The following MAMLD1 variants were observed in gnomAD, a reference collection of about 807,000 sequenced individuals.
MAMLD1 encodes the protein mastermind-like domain-containing protein 1.
Under a neutral mutation model 45.0 loss-of-function variants are expected in MAMLD1, and 14 were observed. That is an observed-to-expected ratio of 0.31 (90% CI 0.21 to 0.49). The LOEUF (loss-of-function observed/expected upper bound fraction) is 0.49, where lower values mean the gene tolerates loss of function less well. MAMLD1 is among the 20% of genes least tolerant of loss of function. MAMLD1 has a pLI of 0.99. For missense variants in MAMLD1, 543 were observed against 603.6 expected (o/e 0.90, Z 1.05); for synonymous variants, 254 against 247.8 (o/e 1.02, Z -0.24).
Position 150,470,737 on chromosome X carries a change from G to A in MAMLD1, c.1164G>A (p.Leu388=). ...TCCGAGGCTCTCCCAATGCCTTACT[G>A]TCAAGCATGACGTCCAGCAGCAATG... The part of the protein sequence containing the change: ...STLRGSPNAL[L]SSMTSSSNAA... The change falls in exon 4 of 8, where the codon CTG becomes CTA. Residue 388 remains leucine (L), a synonymous_variant. Coordinates refer to ENST00000370401, the MANE Select transcript of MAMLD1 (RefSeq NM_005491.5). 2 of 1,211,941 alleles carry A rather than the reference G, an allele frequency of 1.7e-6. No individual in the cohort carries two copies. Among genetic ancestry groups the A allele is most frequent in the Non-Finnish European group, 2.2e-6 (2 of 895,567 alleles).
chrX:150,497,721 A>G (rs1023026900), intron 5 of MAMLD1, among the ~76,000 whole-genome samples: 12 of 112,044 alleles, frequency 1.1e-4, no homozygotes, highest in Admixed American at 3.8e-4. Flanking sequence ...TGGGTCTCAC[A>G]GCAGCCAGCT....
At chrX:150,482,851 G>C (rs1392276454) in intron 5 of MAMLD1, among the ~76,000 whole-genome samples, 1 of 112,448 alleles carries the variant, frequency 8.9e-6, no homozygotes, top group Non-Finnish European at 1.9e-5. Context: ...ATAATACGTA[G>C]GTGGGGGAAA....
intron 1 of MAMLD1, among the ~76,000 whole-genome samples, chrX:150,437,267 T>C (rs1401970138): frequency 9.0e-6 from 1 of 111,727 alleles, no homozygotes; most frequent in Non-Finnish European, 1.9e-5. Flanking sequence ...TGCCGGTAGG[T>C]GCAGGGGTTG....
chrX:150,464,198 C>A (rs1385752398), intron 3 of MAMLD1, among the ~76,000 whole-genome samples: 1 of 111,787 alleles, frequency 8.9e-6, no homozygotes, highest in Non-Finnish European at 1.9e-5. Flanking sequence ...CATTCCAGGG[C>A]CCCTTCCTCC....
intron 2 of MAMLD1, among the ~76,000 whole-genome samples, chrX:150,448,702 T>C (rs1305339077): frequency 1.8e-5 from 2 of 112,265 alleles, no homozygotes; most frequent in African/African-American, 6.5e-5. Flanking sequence ...GAACATTTTG[T>C]CCTTCCCTTT....
chrX:150,423,412 A>T (rs993954389), intron 1 of MAMLD1, among the ~76,000 whole-genome samples: 3 of 88,460 alleles, frequency 3.4e-5, no homozygotes. Flanking sequence ...ACGGTTGAGC[A>T]GTCCATAAGG....
At chrX:150,465,422 T>C (rs2036186481) in intron 3 of MAMLD1, among the ~76,000 whole-genome samples, 1 of 112,237 alleles carries the variant, frequency 8.9e-6, no homozygotes, top group African/African-American at 3.2e-5. Flanking sequence ...CTTTGTTTTC[T>C]CATTATCTAG....
At chrX:150,372,776 C>T (rs1384686743) in intron 1 of MAMLD1, among the ~76,000 whole-genome samples, 1 of 112,292 alleles carries the variant, frequency 8.9e-6, no homozygotes, top group Non-Finnish European at 1.9e-5. Context: ...AGTGATCCCC[C>T]AGCCATGGGG....
chrX:150,469,724 T>C (rs782473097), intron 3 of MAMLD1, 21 bp from the exon 4 acceptor site: 8 of 1,176,797 alleles, frequency 6.8e-6, no homozygotes, highest in Non-Finnish European at 9.2e-6. Context: ...CTTCTCCTCT[T>C]CTCTTCTCTT....
rs142332052 is a variant in MAMLD1 at position 150,480,946 on chromosome X, C to T, written c.2040+7144C>T. ...GGCCAGCTTTTTCCCCTGTAGCATG[C>T]TACCAAATCCGGCCATCTTCCAGTT... On this transcript the variant is annotated intron_variant, in intron 5 of 7. Coordinates refer to ENST00000370401, the MANE Select transcript of MAMLD1 (RefSeq NM_005491.5). Among the ~76,000 whole-genome samples the T allele has an allele frequency of 2.7e-3, 302 of 112,546 alleles. 1 individual carries two copies. The highest frequency in any genetic ancestry group is 9.4e-3 in the African/African-American group (292 of 31,020).
At chrX:150,481,205 A>G (rs1334113861) in intron 5 of MAMLD1, among the ~76,000 whole-genome samples, 1 of 113,259 alleles carries the variant, frequency 8.8e-6, no homozygotes, top group Non-Finnish European at 1.9e-5. Flanking sequence ...GAATGATTCC[A>G]TGACCCTTTC....
intron 1 of MAMLD1, among the ~76,000 whole-genome samples, chrX:150,377,455 T>C (rs896434812): frequency 1.2e-4 from 13 of 112,712 alleles, no homozygotes; most frequent in African/African-American, 3.9e-4. Flanking sequence ...CTGAAAGAGT[T>C]AGGAGGTCTA....
At chrX:150,488,949 T>G (rs1023987955) in intron 5 of MAMLD1, among the ~76,000 whole-genome samples, 3 of 113,228 alleles carry the variant, frequency 2.6e-5, no homozygotes, top group Non-Finnish European at 5.6e-5. Context: ...AGGACTCAAC[T>G]GAATCCCCTT....
chrX:150,452,767 A>C (rs782683956), intron 2 of MAMLD1, among the ~76,000 whole-genome samples: 4 of 60,092 alleles, frequency 6.7e-5, no homozygotes, highest in Non-Finnish European at 8.7e-5. Context: ...CCCACCCCAC[A>C]ACAGTCCCCA....
At chrX:150,428,355 A>G (rs1433881407) in intron 1 of MAMLD1, among the ~76,000 whole-genome samples, 1 of 112,617 alleles carries the variant, frequency 8.9e-6, no homozygotes, top group East Asian at 2.8e-4. Flanking sequence ...ATTAAAGCAA[A>G]CATGGATGTA....
intron 5 of MAMLD1, among the ~76,000 whole-genome samples, chrX:150,477,086 C>A: frequency 8.8e-6 from 1 of 113,388 alleles, no homozygotes; most frequent in Non-Finnish European, 1.9e-5. Context: ...AGGGGACAGG[C>A]CCTGGGGCTG....
intron 1 of MAMLD1, among the ~76,000 whole-genome samples, chrX:150,364,462 G>T (rs1557400629): frequency 8.9e-6 from 1 of 112,974 alleles, no homozygotes; most frequent in Non-Finnish European, 1.9e-5. Context: ...CCTCGGGCTG[G>T]AGCATTCACT....
chrX:150,490,996 G>A (rs1162982219), intron 5 of MAMLD1, among the ~76,000 whole-genome samples: 1 of 111,954 alleles, frequency 8.9e-6, no homozygotes, highest in African/African-American at 3.2e-5. Flanking sequence ...ACGGCTAATG[G>A]CAAAGCTGAG....
chrX:150,388,292 G>A (rs1443211399), intron 1 of MAMLD1, among the ~76,000 whole-genome samples: 1 of 111,769 alleles, frequency 8.9e-6, no homozygotes, highest in African/African-American at 3.2e-5. Context: ...ATATTCATGA[G>A]GGGTTTTGGT....
Sources: allele counts gnomAD v4.1 joint callset (sites outside exome capture counted in the v4.1 genomes callset), GRCh38; gene constraint gnomAD v4.1.1; transcripts MANE v1.5; gene names NCBI Gene and HGNC (gene_info 2026-07-23, HGNC 2026-07-21).